The following NYAP1 variants were observed in gnomAD, a reference collection of about 807,000 sequenced individuals.
The protein encoded by NYAP1 is neuronal tyrosine phosphorylated phosphoinositide-3-kinase adaptor 1, also known as neuronal tyrosine-phosphorylated phosphoinositide-3-kinase adapter 1.
NYAP1 carries 20 observed loss-of-function variants against 58.6 expected under a neutral mutation model. The observed-to-expected ratio is 0.34, with a 90% CI of 0.24 to 0.50. The LOEUF (loss-of-function observed/expected upper bound fraction) is 0.50, where lower values mean the gene tolerates loss of function less well. Among genes scored for constraint, NYAP1 ranks in the 20% least tolerant of loss-of-function variants. NYAP1 has a pLI of 0.98. For missense variants in NYAP1, 1,150 were observed against 1,194.5 expected, an observed-to-expected ratio of 0.96 and a Z score of 0.55; for synonymous variants, 572 against 523.1, an observed-to-expected ratio of 1.09 and a Z score of -1.27.
Position 100,488,249 on chromosome 7 carries a change from C to G in NYAP1, c.528C>G (p.Phe176Leu), listed in dbSNP as rs748304110. 2 of 1,613,974 alleles carry G rather than the reference C, an allele frequency of 1.2e-6. No homozygotes were observed. Among genetic ancestry groups the G allele is most frequent in the East Asian group, 4.5e-5 (2 of 44,866 alleles). ...RSPNTQLSVS[F>L]DESCPPGPSP... is the part of the protein sequence containing the mutation. Reference sequence around the variant, plus strand: ...CTAACACCCAGCTCTCTGTCTCCTTCGATGAGTCCTGCCCCCCAGGCCCCT... The same window carrying G: ...CTAACACCCAGCTCTCTGTCTCCTTGGATGAGTCCTGCCCCCCAGGCCCCT... The change falls in exon 4 of 7, where the codon TTC (phenylalanine) becomes TTG (leucine). Residue 176 changes from phenylalanine (F) to leucine (L), a missense_variant. Transcript: ENST00000300179. This position sits in a 1 kb window ranked among gnomAD's most constrained non-coding sequence, Gnocchi z 5.9.
Position 100,490,782 on chromosome 7 carries a change from C to T in NYAP1, c.2158+53C>T, listed in dbSNP as rs1465295603. On this transcript the variant is annotated intron_variant, in intron 5 of 6. Coordinates refer to ENST00000300179, the MANE Select transcript of NYAP1 (RefSeq NM_173564.4). The surrounding 1 kb of genome is among the most constrained non-coding windows in gnomAD (Gnocchi z 4.6). ...CAGCGGGGCTGGCTGGGGGATCTCCCGGGGTCTAGCTGCACCTGTCCTGAC... is the reference window on the plus strand; with the variant it reads ...CAGCGGGGCTGGCTGGGGGATCTCCTGGGGTCTAGCTGCACCTGTCCTGAC... 1.8e-5 allele frequency: 25 copies of T among 1,426,670 alleles called. No homozygotes were observed. Among genetic ancestry groups the T allele is most frequent in the Middle Eastern group, 4.5e-4 (2 of 4,400 alleles). 88.4% of individuals were successfully genotyped at this position (1,426,670 alleles called of 1,614,324 possible).
Position 100,489,303 on chromosome 7 carries a change from C to A in NYAP1, c.1582C>A (p.Arg528Ser). Residue 528 changes from arginine to serine, a missense_variant, in exon 4 of 7, where the codon CGC becomes AGC. Coordinates refer to ENST00000300179, the MANE Select transcript of NYAP1 (RefSeq NM_173564.4). ...CGCAGCAGCTGGGGTCCTCCACCACCGCGGCTGCCTGGCCTCCCCCCACAG... is the reference window on the plus strand; with the variant it reads ...CGCAGCAGCTGGGGTCCTCCACCACAGCGGCTGCCTGGCCTCCCCCCACAG... ...MGAAAGVLHH[R>S]GCLASPHSLP... The A allele has an allele frequency of 6.2e-7, 1 of 1,600,644 alleles. No homozygotes were observed. Among genetic ancestry groups the A allele is most frequent in the East Asian group, 2.3e-5 (1 of 44,084 alleles).
chr7:100,491,819 C>T (rs991607244), intron 6 of NYAP1, among the ~76,000 whole-genome samples: 4 of 152,098 alleles, frequency 2.6e-5, no homozygotes, highest in South Asian at 2.1e-4. Flanking sequence ...GAGGCTGAGG[C>T]GAGTGGATCA....
rs1799688231 is a variant in NYAP1 at position 100,485,235 on chromosome 7, G to A, written c.-77G>A. 2.0e-5 allele frequency: 12 copies of A among 590,264 alleles called. No homozygotes were observed. Among genetic ancestry groups the A allele is most frequent in the Non-Finnish European group, 2.1e-5 (7 of 335,574 alleles). 36.6% of individuals were successfully genotyped at this position (590,264 alleles called of 1,614,324 possible). A position where few individuals can be genotyped will look rare whatever the true frequency, so the allele number is the denominator to read the frequency against. On this transcript the variant is annotated 5_prime_UTR_variant, in exon 2 of 7. Coordinates refer to ENST00000300179, the MANE Select transcript of NYAP1 (RefSeq NM_173564.4). This position sits in a 1 kb window ranked among gnomAD's most constrained non-coding sequence, Gnocchi z 5.7. The stretch of plus-strand genomic sequence containing the variant: ...ACCCACCCCGCCCGCCAGTGGATCC[G>A]GGACCCAGGGAGGGCCGCCCCCCGG...
intron 6 of NYAP1, among the ~76,000 whole-genome samples, chr7:100,492,929 GA>G (rs915391920): frequency 1.3e-4 from 19 of 151,220 alleles, no homozygotes; most frequent in African/African-American, 4.6e-4. Flanking sequence ...GTGAGAGAAA[GA>G]AGGAAGAAAG....
Position 100,485,404 on chromosome 7 carries a change from C to T in NYAP1, c.68+25C>T, listed in dbSNP as rs373558509. On this transcript the variant is annotated intron_variant, in intron 2 of 6. Transcript: ENST00000300179. This position sits in a 1 kb window ranked among gnomAD's most constrained non-coding sequence, Gnocchi z 5.7. The stretch of plus-strand genomic sequence containing the variant: ...GGTAAGGCTGCACCCCAGACTGCTC[C>T]CTTCCCTTCCGCACCTCTGCCTGCC... 6.4e-7 allele frequency: 1 copy of T among 1,561,722 alleles called. No individual in the cohort carries two copies. The highest frequency in any genetic ancestry group is 8.7e-7 in the Non-Finnish European group (1 of 1,146,336).
At position 100,485,127 on chromosome 7, in the gene NYAP1, C is replaced by T. The variant is rs889424468; in HGVS notation, c.-84-101C>T. ...TGTCTGTGTTTTCCTCTCTGAGGAC[C>T]CGAGTCATGTCTCTTCTCCGTTTTC... On this transcript the variant is annotated intron_variant, in intron 1 of 6. Transcript: ENST00000300179. The surrounding 1 kb of genome is among the most constrained non-coding windows in gnomAD (Gnocchi z 5.7). 5 of 593,022 alleles carry T rather than the reference C, an allele frequency of 8.4e-6. No homozygotes were observed. Among genetic ancestry groups the T allele is most frequent in the Non-Finnish European group, 1.2e-5 (4 of 329,832 alleles). The allele number at this position is 593,022 out of a possible 1,614,324, so 36.7% of individuals were successfully genotyped here. A position where few individuals can be genotyped will look rare whatever the true frequency, so the allele number is the denominator to read the frequency against.
intron 6 of NYAP1, among the ~76,000 whole-genome samples, chr7:100,492,488 G>A (rs1468164846): frequency 6.6e-6 from 1 of 152,110 alleles, no homozygotes; most frequent in African/African-American, 2.4e-5. Flanking sequence ...TCCCAGAACT[G>A]TGGGAGGCAG....
Position 100,486,905 on chromosome 7 carries a change from G to T in NYAP1, c.153G>T (p.Ser51=). 1 of 1,585,598 alleles carries T rather than the reference G, an allele frequency of 6.3e-7. No individual in the cohort carries two copies. Among genetic ancestry groups the T allele is most frequent in the Admixed American group, 1.8e-5 (1 of 56,024 alleles). Reference sequence around the variant, plus strand: ...GGGTCCGCGTGCGGGACATCGCCTCGCTGCGGCGCTCCCTCAGGATGGGTT... The same window carrying T: ...GGGTCCGCGTGCGGGACATCGCCTCTCTGCGGCGCTCCCTCAGGATGGGTT... The part of the protein sequence containing the change: ...GPGVRVRDIA[S]LRRSLRMGFM... Residue 51 remains serine, a synonymous_variant, in exon 3 of 7, where the codon TCG becomes TCT. Coordinates refer to ENST00000300179, the MANE Select transcript of NYAP1 (RefSeq NM_173564.4). The surrounding 1 kb of genome is among the most constrained non-coding windows in gnomAD (Gnocchi z 6.2).
Position 100,487,794 on chromosome 7 carries a change from A to G in NYAP1, c.431-358A>G, listed in dbSNP as rs1470828734. Among the ~76,000 whole-genome samples, 1 of 152,182 alleles carries G rather than the reference A, an allele frequency of 6.6e-6. No homozygotes were observed. Among genetic ancestry groups the G allele is most frequent in the Non-Finnish European group, 1.5e-5 (1 of 68,030 alleles). Reference sequence around the variant, plus strand: ...AGTGCTGGGATTACAGGCGTGAGCCACTGTGCTTGGCCAATTAATTGACGT... The same window carrying G: ...AGTGCTGGGATTACAGGCGTGAGCCGCTGTGCTTGGCCAATTAATTGACGT... On this transcript the variant is annotated intron_variant, in intron 3 of 6. Transcript: ENST00000300179. The surrounding 1 kb of genome is among the most constrained non-coding windows in gnomAD (Gnocchi z 4.1).
chr7:100,493,494 C>T, intron 6 of NYAP1, 152 bp from the exon 7 acceptor site: 1 of 735,552 alleles, frequency 1.4e-6, no homozygotes, highest in Non-Finnish European at 2.1e-6. Flanking sequence ...CCATGGGCCC[C>T]ACAGCCAGAG....
In NYAP1 at chr7:100,488,126, A is replaced by G. The variant is rs916545881; in HGVS notation, c.431-26A>G. The G allele has an allele frequency of 2.6e-6, 4 of 1,526,630 alleles. No homozygotes were observed. The Admixed American group carries it at 6.6e-5, about 25-fold the overall frequency. 94.6% of individuals were successfully genotyped at this position (1,526,630 alleles called of 1,614,324 possible). On this transcript the variant is annotated intron_variant, in intron 3 of 6. Transcript: ENST00000300179. This position sits in a 1 kb window ranked among gnomAD's most constrained non-coding sequence, Gnocchi z 5.9. ...GCTCCCCTCATTAAAAGCCTGGTTTATTTTTCTCTTTCTTGTCCTGTCCAG... is the reference window on the plus strand; with the variant it reads ...GCTCCCCTCATTAAAAGCCTGGTTTGTTTTTCTCTTTCTTGTCCTGTCCAG...
Position 100,494,111 on chromosome 7 carries a change from A to G in NYAP1, c.*208A>G. ...CAACAGCGCTGCTGAGAAACGGAGG[A>G]GGAGGAGGGTTTGCTTGAGGTTGGG... On this transcript the variant is annotated 3_prime_UTR_variant, in exon 7 of 7. Transcript: ENST00000300179. 2.0e-6 allele frequency: 1 copy of G among 502,812 alleles called. No individual in the cohort carries two copies. The highest frequency in any genetic ancestry group is 3.4e-6 in the Non-Finnish European group (1 of 292,268). The allele number at this position is 502,812 out of a possible 1,614,324, so 31.1% of individuals were successfully genotyped here.
chr7:100,488,250 G>C lies in NYAP1; in HGVS notation c.529G>C (p.Asp177His). The C allele has an allele frequency of 6.2e-7, 1 of 1,613,930 alleles. No homozygotes were observed. The highest frequency in any genetic ancestry group is 2.2e-5 in the East Asian group (1 of 44,864). ...TAACACCCAGCTCTCTGTCTCCTTC[G>C]ATGAGTCCTGCCCCCCAGGCCCCTC... ...SPNTQLSVSF[D>H]ESCPPGPSPR... The change falls in exon 4 of 7, where the codon GAT becomes CAT. Residue 177 changes from aspartate to histidine, a missense_variant. Transcript: ENST00000300179. This position sits in a 1 kb window ranked among gnomAD's most constrained non-coding sequence, Gnocchi z 5.9.
Position 100,490,977 on chromosome 7 carries a change from C to T in NYAP1, c.2159-9C>T. On this transcript the variant is annotated splice_polypyrimidine_tract_variant and intron_variant, in intron 5 of 6. Transcript: ENST00000300179. The surrounding 1 kb of genome is among the most constrained non-coding windows in gnomAD (Gnocchi z 4.6). ...CCTGCACTCCTCACTCCTCCTTCTT[C>T]CACCTCAGACTTCACGGGAGGCTAC... The T allele has an allele frequency of 6.5e-7, 1 of 1,530,712 alleles. No homozygotes were observed. Among genetic ancestry groups the T allele is most frequent in the Non-Finnish European group, 8.9e-7 (1 of 1,129,226 alleles). The allele number at this position is 1,530,712 out of a possible 1,614,324, so 94.8% of individuals were successfully genotyped here.
Position 100,488,393 on chromosome 7 carries a change from T to C in NYAP1, c.672T>C (p.Phe224=), listed in dbSNP as rs1383892634. The change falls in exon 4 of 7, where the codon TTT becomes TTC. Residue 224 remains phenylalanine (F), a synonymous_variant. Coordinates refer to ENST00000300179, the MANE Select transcript of NYAP1 (RefSeq NM_173564.4). This position sits in a 1 kb window ranked among gnomAD's most constrained non-coding sequence, Gnocchi z 5.9. ...PVYIEMVGDV[F]RGGGRSGGGL... is the part of the protein sequence containing the mutation. ...ACATTGAGATGGTGGGGGACGTCTT[T>C]AGGGGAGGAGGACGAAGTGGAGGAG... is the stretch of plus-strand genomic sequence containing the variant. 5.6e-6 allele frequency: 9 copies of C among 1,597,366 alleles called. No individual in the cohort carries two copies. The highest frequency in any genetic ancestry group is 7.7e-6 in the Non-Finnish European group (9 of 1,172,860).
At position 100,487,143 on chromosome 7, in the gene NYAP1, C is replaced by T; in HGVS notation, c.391C>T (p.Pro131Ser). 1 of 1,536,570 alleles carries T rather than the reference C, an allele frequency of 6.5e-7. No individual in the cohort carries two copies. Among genetic ancestry groups the T allele is most frequent in the Non-Finnish European group, 8.8e-7 (1 of 1,142,850 alleles). ...CAGCACCAAGCTCAGCATGGTGGGG[C>T]CTGGGTCTGGGGCAGAGACGCCCCC... ...HPSTKLSMVG[P>S]GSGAETPPSK... Residue 131 changes from proline to serine, a missense_variant, in exon 3 of 7, where the codon CCT (proline) becomes TCT (serine). Transcript: ENST00000300179. This position sits in a 1 kb window ranked among gnomAD's most constrained non-coding sequence, Gnocchi z 4.1.
At chr7:100,484,316 T>C (rs1396771744) in intron 1 of NYAP1, among the ~76,000 whole-genome samples, 2 of 151,338 alleles carry the variant, frequency 1.3e-5, no homozygotes, top group Non-Finnish European at 3.0e-5. Context: ...GCCCAGAAGG[T>C]AGCAGTGGGG....
At chr7:100,489,693 T>A in intron 4 of NYAP1, 27 bp downstream of exon 4, 2 of 68,104 alleles carry the variant, frequency 2.9e-5, no homozygotes, top group Non-Finnish European at 4.9e-5. Flanking sequence ...GAGTGGGGGC[T>A]GGCATCAGGG....
Sources: allele counts gnomAD v4.1 joint callset (sites outside exome capture counted in the v4.1 genomes callset), GRCh38; gene constraint gnomAD v4.1.1; non-coding constraint Gnocchi (gnomAD v3.1); transcripts MANE v1.5; gene names NCBI Gene and HGNC (gene_info 2026-07-23, HGNC 2026-07-21).